The following TNRC6A variants were observed in gnomAD, a reference collection of about 807,000 sequenced individuals.
The protein encoded by TNRC6A is trinucleotide repeat containing adaptor 6A, also known as trinucleotide repeat-containing gene 6A protein.
A neutral mutation model predicts 221.2 loss-of-function variants in TNRC6A; 44 were observed. That is an observed-to-expected ratio of 0.20 (90% CI 0.16 to 0.26). The LOEUF is 0.26. Ranked by LOEUF, TNRC6A falls within the 10% of genes least tolerant of loss-of-function variation. The pLI, the probability that TNRC6A is intolerant of heterozygous loss-of-function variation, is 1.00. For synonymous variants in TNRC6A, 847 were observed against 838.5 expected, an observed-to-expected ratio of 1.01 and a Z score of -0.18; for missense variants, 2,199 against 2,404.4, an observed-to-expected ratio of 0.91 and a Z score of 1.79.
At position 24,750,706 on chromosome 16, in the gene TNRC6A, A is replaced by C; in HGVS notation, c.54-20A>C. ...TTCTTAATACATTTTGGGAAACTTAATTGCAACTGTGTGGTTCAGGGATTT... is the reference window on the plus strand; with the variant it reads ...TTCTTAATACATTTTGGGAAACTTACTTGCAACTGTGTGGTTCAGGGATTT... On this transcript the variant is annotated intron_variant, in intron 2 of 24. Coordinates refer to ENST00000395799, the MANE Select transcript of TNRC6A (RefSeq NM_014494.4). The C allele has an allele frequency of 2.0e-6, 3 of 1,501,990 alleles. No individual in the cohort carries two copies. Among genetic ancestry groups the C allele is most frequent in the Non-Finnish European group, 2.7e-6 (3 of 1,129,476 alleles). The allele number at this position is 1,501,990 out of a possible 1,614,324, so 93.0% of individuals were successfully genotyped here.
At chr16:24,667,788 C>G (rs1385901281) in intron 2 of TNRC6A, among the ~76,000 whole-genome samples, 1 of 152,194 alleles carries the variant, frequency 6.6e-6, no homozygotes, top group Non-Finnish European at 1.5e-5. Flanking sequence ...CCTGTAATCC[C>G]AGCACTTTGG....
intron 14 of TNRC6A, 55 bp from the exon 15 acceptor site, chr16:24,805,550 G>T: frequency 6.2e-7 from 1 of 1,603,564 alleles, no homozygotes. Context: ...CACAGTACGT[G>T]TAGTTAGTGT....
At chr16:24,625,655 G>A (rs995977171) in intron 1 of TNRC6A, among the ~76,000 whole-genome samples, 6 of 150,550 alleles carry the variant, frequency 4.0e-5, no homozygotes, top group Non-Finnish European at 7.4e-5. Flanking sequence ...GAACCCGGGA[G>A]GCGGAGCTTG....
chr16:24,654,718 C>CA (rs548316755), intron 2 of TNRC6A, among the ~76,000 whole-genome samples: 1 of 147,838 alleles, frequency 6.8e-6, no homozygotes, highest in East Asian at 2.0e-4. Context: ...GACTTCTTCT[C>CA]AAAAAAAAAT....
intron 1 of TNRC6A, among the ~76,000 whole-genome samples, chr16:24,634,473 C>T (rs1901522621): frequency 6.6e-6 from 1 of 152,094 alleles, no homozygotes; most frequent in Non-Finnish European, 1.5e-5. Context: ...ACCAGATTCT[C>T]TTAAGTGTTT....
At chr16:24,702,712 G>C (rs2056011418) in intron 2 of TNRC6A, among the ~76,000 whole-genome samples, 1 of 151,978 alleles carries the variant, frequency 6.6e-6, no homozygotes, top group Non-Finnish European at 1.5e-5. Flanking sequence ...CTTTAGCCCG[G>C]GTGACACAGT....
chr16:24,795,976 C>T (rs1480162040), intron 9 of TNRC6A, 37 bp downstream of exon 9: 11 of 1,611,034 alleles, frequency 6.8e-6, no homozygotes, highest in Non-Finnish European at 9.3e-6. Flanking sequence ...TTTGTTTCTA[C>T]TAGTAAAAAT....
At position 24,806,744 on chromosome 16, in the gene TNRC6A, A is replaced by G. The variant is rs1435294295; in HGVS notation, c.4500A>G (p.Lys1500=). The change falls in exon 17 of 25, where the codon AAA becomes AAG. Residue 1500 remains lysine (K), a synonymous_variant. Coordinates refer to ENST00000395799, the MANE Select transcript of TNRC6A (RefSeq NM_014494.4). ...VMPHTTPELQ[K]GPSPINAFSN... ...CCCACACTACACCTGAGCTGCAAAAAGGGCCATCACCAATAAATGCTTTCA... is the reference window on the plus strand; with the variant it reads ...CCCACACTACACCTGAGCTGCAAAAGGGGCCATCACCAATAAATGCTTTCA... 1.2e-6 allele frequency: 2 copies of G among 1,614,198 alleles called. No individual in the cohort carries two copies. Among genetic ancestry groups the G allele is most frequent in the Non-Finnish European group, 1.7e-6 (2 of 1,180,042 alleles).
chr16:24,806,436 G>C, intron 16 of TNRC6A, 138 bp from the exon 17 acceptor site: 1 of 1,350,436 alleles, frequency 7.4e-7, no homozygotes, highest in Non-Finnish European at 1.0e-6. Context: ...GGTTGCCCAT[G>C]AGTTATGTGA....
chr16:24,707,986 G>C (rs535638039), intron 2 of TNRC6A, among the ~76,000 whole-genome samples: 9 of 152,224 alleles, frequency 5.9e-5, no homozygotes, highest in African/African-American at 2.2e-4. Context: ...TTGAGTCTGG[G>C]AGGTGGAGAT....
intron 1 of TNRC6A, among the ~76,000 whole-genome samples, chr16:24,631,159 C>G (rs1001427278): frequency 3.3e-5 from 5 of 152,162 alleles, no homozygotes; most frequent in African/African-American, 1.2e-4. Flanking sequence ...AGGAGGATAA[C>G]ATCTATTTTA....
In TNRC6A at chr16:24,775,553, T is replaced by C. The variant is rs72768694; in HGVS notation, c.164-1380T>C. ...GTGTGGAAGAGGAAGTTGGTGGCTA[T>C]TGTAAACTCAGGTGACCAAGGCTTT... is the stretch of plus-strand genomic sequence containing the variant. On this transcript the variant is annotated intron_variant, in intron 4 of 24. Coordinates refer to ENST00000395799, the MANE Select transcript of TNRC6A (RefSeq NM_014494.4). Among the ~76,000 whole-genome samples, 1,276 of 152,344 alleles carry C rather than the reference T, an allele frequency of 8.4e-3. 10 individuals carry two copies. Among genetic ancestry groups the C allele is most frequent in the Middle Eastern group, 0.041 (12 of 294 alleles).
intron 2 of TNRC6A, among the ~76,000 whole-genome samples, chr16:24,677,731 C>T (rs941750893): frequency 2.6e-5 from 4 of 152,132 alleles, no homozygotes; most frequent in African/African-American, 9.7e-5. Context: ...GTCTTGTTCC[C>T]CCTTTTATCC....
intron 2 of TNRC6A, among the ~76,000 whole-genome samples, chr16:24,718,866 G>A (rs927422385): frequency 6.6e-6 from 1 of 151,618 alleles, no homozygotes; most frequent in Non-Finnish European, 1.5e-5. Context: ...GTGAAACTGC[G>A]TCTCTACTAA....
At chr16:24,695,667 G>A (rs779522445) in intron 2 of TNRC6A, among the ~76,000 whole-genome samples, 9 of 152,064 alleles carry the variant, frequency 5.9e-5, no homozygotes, top group Non-Finnish European at 1.0e-4. Flanking sequence ...CAAAGTGCTG[G>A]GATTACAGGC....
chr16:24,795,650 C>T (rs1185637681), intron 8 of TNRC6A: 1 of 393,148 alleles, frequency 2.5e-6, no homozygotes, highest in Non-Finnish European at 4.5e-6. Flanking sequence ...TAAAATTTTT[C>T]ATTTGGCTGA....
chr16:24,803,834 G>A (rs1484052481), intron 11 of TNRC6A: 1 of 197,140 alleles, frequency 5.1e-6, no homozygotes, highest in African/African-American at 2.4e-5. Flanking sequence ...CTAGGAGGTG[G>A]AGGTTGCAGT....
chr16:24,820,637 A>G (rs2058749007), intron 22 of TNRC6A, among the ~76,000 whole-genome samples: 1 of 152,248 alleles, frequency 6.6e-6, no homozygotes, highest in Non-Finnish European at 1.5e-5. Context: ...ACCACATCAC[A>G]TGGAGCAGAA....
chr16:24,709,749 C>T (rs1290833101), intron 2 of TNRC6A, among the ~76,000 whole-genome samples: 1 of 145,328 alleles, frequency 6.9e-6, no homozygotes, highest in African/African-American at 2.6e-5. Flanking sequence ...CACTTGAGCC[C>T]AGGAGGTCGA....
Sources: allele counts gnomAD v4.1 joint callset (sites outside exome capture counted in the v4.1 genomes callset), GRCh38; gene constraint gnomAD v4.1.1; transcripts MANE v1.5; gene names NCBI Gene and HGNC (gene_info 2026-07-23, HGNC 2026-07-21).